The following ANKS1B variants were observed in gnomAD, a reference collection of about 807,000 sequenced individuals.
ANKS1B encodes ankyrin repeat and sterile alpha motif domain containing 1B.
Under a neutral mutation model 148.3 loss-of-function variants are expected in ANKS1B, and 36 were observed. The observed-to-expected ratio is 0.24, with a 90% CI of 0.19 to 0.32. The LOEUF is 0.32. ANKS1B is among the 10% of genes least tolerant of loss of function. The pLI, the probability that ANKS1B is intolerant of heterozygous loss-of-function variation, is 1.00. For synonymous variants in ANKS1B, 542 were observed against 560.8 expected, an observed-to-expected ratio of 0.97 and a Z score of 0.47; for missense variants, 1,157 against 1,542.6, an observed-to-expected ratio of 0.75 and a Z score of 4.19.
At chr12:98,917,625 G>GT (rs1346910149) in intron 17 of ANKS1B, among the ~76,000 whole-genome samples, 8 of 152,222 alleles carry the variant, frequency 5.3e-5, no homozygotes, top group African/African-American at 1.7e-4. Context: ...CTGAAGTGCT[G>GT]TGAGTATTCG....
chr12:98,749,238 A>T (rs2098000764), intron 26 of ANKS1B, among the ~76,000 whole-genome samples: 1 of 151,512 alleles, frequency 6.6e-6, no homozygotes, highest in Admixed American at 6.6e-5. Flanking sequence ...AGCTGGGACT[A>T]CAGGCACCCA....
intron 10 of ANKS1B, among the ~76,000 whole-genome samples, chr12:99,451,237 GA>G (rs1352322287): frequency 6.6e-6 from 1 of 151,986 alleles, no homozygotes. Flanking sequence ...AACAACATTA[GA>G]AAAAATACTT....
intron 24 of ANKS1B, among the ~76,000 whole-genome samples, chr12:98,778,822 A>G (rs918793645): frequency 6.6e-6 from 1 of 151,916 alleles, no homozygotes; most frequent in South Asian, 2.1e-4. Context: ...GCTAAACACA[A>G]TCTCTCTACT....
intron 14 of ANKS1B, among the ~76,000 whole-genome samples, chr12:99,219,476 T>C (rs528109679): frequency 6.6e-6 from 1 of 152,328 alleles, no homozygotes. Flanking sequence ...TATGAAGAAG[T>C]GGCCTTGTAG....
Position 99,495,188 on chromosome 12 carries a change from T to C in ANKS1B, c.1438+9288A>G, listed in dbSNP as rs534479194. The stretch of plus-strand genomic sequence containing the variant: ...ACATTATAGGAGAAATTCTGTTGCA[T>C]AGGATAGCATACACGACATCATAAA... On this transcript the variant is annotated intron_variant, in intron 10 of 26. Coordinates refer to ENST00000683438, the MANE Select transcript of ANKS1B (RefSeq NM_001352186.2). 3.9e-5 allele frequency among the ~76,000 whole-genome samples: 6 copies of C among 152,274 alleles called. No individual in the cohort carries two copies. The South Asian group carries it at 6.2e-4, about 16-fold the overall frequency.
At position 99,553,962 on chromosome 12, in the gene ANKS1B, G is replaced by A. The variant is rs368894669; in HGVS notation, c.1273-49321C>T. On this transcript the variant is annotated intron_variant, in intron 9 of 26. Transcript: ENST00000683438. Reference sequence around the variant, plus strand: ...CAATCCTGGGACTTTTTGGACAATTGAGAAACATTTTTTATGGTGGGGTCA... The same window carrying A: ...CAATCCTGGGACTTTTTGGACAATTAAGAAACATTTTTTATGGTGGGGTCA... Among the ~76,000 whole-genome samples, 9 of 152,278 alleles carry A rather than the reference G, an allele frequency of 5.9e-5. No individual in the cohort carries two copies. In the East Asian group the frequency reaches 1.5e-3, roughly 26 times the overall value.
At chr12:99,916,299 G>A (rs955393101) in intron 1 of ANKS1B, among the ~76,000 whole-genome samples, 5 of 152,154 alleles carry the variant, frequency 3.3e-5, no homozygotes, top group African/African-American at 1.2e-4. Context: ...ATACACTGGT[G>A]AAAGTGGAAT....
intron 16 of ANKS1B, among the ~76,000 whole-genome samples, chr12:99,060,136 T>C (rs2041903353): frequency 6.6e-6 from 1 of 152,166 alleles, no homozygotes; most frequent in African/African-American, 2.4e-5. Context: ...AAACCTAAGC[T>C]GAGACAGAAA....
chr12:99,170,228 A>G (rs2077608266), intron 14 of ANKS1B, among the ~76,000 whole-genome samples: 1 of 152,208 alleles, frequency 6.6e-6, no homozygotes, highest in South Asian at 2.1e-4. Flanking sequence ...CTGGTCTGCA[A>G]TGCATGGATG....
chr12:99,426,256 C>A lies in ANKS1B; in HGVS notation c.1575+17417G>T, dbSNP rs2095252521. On this transcript the variant is annotated intron_variant, in intron 11 of 26. Transcript: ENST00000683438. ...TCACATATTTTGACTAACTTAATGA[C>A]CCACTTAATTTATTATTTCATGTAT... Among the ~76,000 whole-genome samples, 3 of 148,724 alleles carry A rather than the reference C, an allele frequency of 2.0e-5. No individual in the cohort carries two copies. The South Asian group carries it at 6.3e-4, about 31-fold the overall frequency.
intron 12 of ANKS1B, among the ~76,000 whole-genome samples, chr12:99,395,347 A>C (rs1215340873): frequency 6.6e-6 from 1 of 152,180 alleles, no homozygotes; most frequent in African/African-American, 2.4e-5. Context: ...ATGGCTTATT[A>C]GGGCCTTACA....
intron 1 of ANKS1B, among the ~76,000 whole-genome samples, chr12:99,898,598 A>T (rs186623605): frequency 2.0e-5 from 3 of 152,174 alleles, no homozygotes; most frequent in South Asian, 2.1e-4. Context: ...TCTTCTTCCT[A>T]TTTTGGCCCT....
intron 14 of ANKS1B, among the ~76,000 whole-genome samples, chr12:99,233,984 A>C (rs1388741): frequency 0.74 from 112,498 of 151,406 alleles, 41,904 homozygotes; most frequent in Middle Eastern, 0.79. Context: ...TAGGCAAGAG[A>C]ATCCAAATGT....
intron 12 of ANKS1B, among the ~76,000 whole-genome samples, chr12:99,278,592 A>G (rs1029797745): frequency 6.6e-6 from 1 of 152,138 alleles, no homozygotes; most frequent in Non-Finnish European, 1.5e-5. Flanking sequence ...TTCAAGACCA[A>G]GGTCAGGCAT....
In ANKS1B at chr12:98,751,610, T is replaced by C; in HGVS notation, c.3580-88A>G. On this transcript the variant is annotated intron_variant, in intron 25 of 26. Coordinates refer to ENST00000683438, the MANE Select transcript of ANKS1B (RefSeq NM_001352186.2). The surrounding 1 kb of genome is among the most constrained non-coding windows in gnomAD (Gnocchi z 4.3). ...CTGAGGAACACTGAGGGAGGTGAAC[T>C]AGGGAGGAACTTGAACTACTTCACC... 7.7e-7 allele frequency: 1 copy of C among 1,291,418 alleles called. No individual in the cohort carries two copies. The highest frequency in any genetic ancestry group is 1.3e-5 in the South Asian group (1 of 74,398). 80.0% of individuals were successfully genotyped at this position (1,291,418 alleles called of 1,614,324 possible). A position where few individuals can be genotyped will look rare whatever the true frequency, so the allele number is the denominator to read the frequency against.
At chr12:98,884,856 G>A (rs1420894123) in intron 17 of ANKS1B, among the ~76,000 whole-genome samples, 1 of 150,504 alleles carries the variant, frequency 6.6e-6, no homozygotes, top group Non-Finnish European at 1.5e-5. Flanking sequence ...TCTCTCAGAT[G>A]TGTATCTAGC....
intron 19 of ANKS1B, among the ~76,000 whole-genome samples, chr12:98,823,249 C>A (rs1277082083): frequency 6.6e-6 from 1 of 152,134 alleles, no homozygotes; most frequent in Non-Finnish European, 1.5e-5. Context: ...GACGGAAGAG[C>A]TTATTGAGTG....
intron 15 of ANKS1B, among the ~76,000 whole-genome samples, chr12:99,124,924 A>G (rs2063881161): frequency 6.6e-6 from 1 of 152,074 alleles, no homozygotes; most frequent in Non-Finnish European, 1.5e-5. Flanking sequence ...TGATGACTGT[A>G]GTTAGATCAC....
intron 10 of ANKS1B, among the ~76,000 whole-genome samples, chr12:99,482,549 T>C (rs1430005064): frequency 1.3e-5 from 2 of 152,120 alleles, no homozygotes; most frequent in Non-Finnish European, 2.9e-5. Context: ...AGAATGGTTT[T>C]TTATAATTCT....
Sources: gnomAD v4.1 joint callset for allele counts (sites outside exome capture counted in the v4.1 genomes callset) on GRCh38, gnomAD v4.1.1 for gene constraint, Gnocchi (gnomAD v3.1) non-coding constraint, MANE v1.5 for transcripts, NCBI Gene and HGNC (gene_info 2026-07-23, HGNC 2026-07-21) for gene names.